PSAT1: variants seen among roughly 807,000 people sequenced by gnomAD.
PSAT1 encodes the protein phosphoserine aminotransferase.
A neutral mutation model predicts 40.3 loss-of-function variants in PSAT1; 41 were observed. That is an observed-to-expected ratio of 1.02 (90% CI 0.79 to 1.32). The LOEUF (loss-of-function observed/expected upper bound fraction) is 1.32. Ranked by LOEUF, PSAT1 falls within the 40% of genes most tolerant of loss-of-function variation. PSAT1 has a pLI of 0.00. For missense variants in PSAT1, 406 were observed against 455.8 expected (o/e 0.89, Z 0.99); for synonymous variants, 147 against 170.5 (o/e 0.86, Z 1.07).
At chr9:78,311,781 G>A (rs1449473893) in intron 6 of PSAT1, among the ~76,000 whole-genome samples, 1 of 152,066 alleles carries the variant, frequency 6.6e-6, no homozygotes, top group Non-Finnish European at 1.5e-5. Flanking sequence ...GCAGTGAGCC[G>A]AAATCACGCC....
At chr9:78,325,123 T>G (rs1001216672) in intron 7 of PSAT1, among the ~76,000 whole-genome samples, 2 of 152,180 alleles carry the variant, frequency 1.3e-5, no homozygotes, top group African/African-American at 2.4e-5. Flanking sequence ...GAAGACAGGT[T>G]CATTCACATG....
chr9:78,302,649 G>A (rs577805406), intron 3 of PSAT1, among the ~76,000 whole-genome samples: 5 of 149,900 alleles, frequency 3.3e-5, no homozygotes, highest in South Asian at 4.2e-4. Flanking sequence ...CAGGAGAATC[G>A]CTTGAACCAG....
At chr9:78,300,205 G>C (rs1329119267) in intron 1 of PSAT1, among the ~76,000 whole-genome samples, 1 of 152,146 alleles carries the variant, frequency 6.6e-6, no homozygotes, top group African/African-American at 2.4e-5. Flanking sequence ...TAGACCAAAA[G>C]AGATCGGAAA....
intron 4 of PSAT1, 125 bp from the exon 5 acceptor site, chr9:78,306,189 A>G (rs747578448): frequency 1.5e-5 from 15 of 1,030,074 alleles, no homozygotes; most frequent in Non-Finnish European, 2.3e-5. Flanking sequence ...CACTCGTGCA[A>G]TGCTTTGGAG....
At chr9:78,326,956 T>TATATATATATATATATATATATA (rs1491277712) in intron 7 of PSAT1, among the ~76,000 whole-genome samples, 2 of 59,178 alleles carry the variant, frequency 3.4e-5, no homozygotes, top group African/African-American at 1.1e-4. Context: ...TATATATATA[T>TATATATATATATATATATATATA]TTTTTTTTTT....
chr9:78,322,985 G>T (rs1217211927), intron 7 of PSAT1, among the ~76,000 whole-genome samples: 1 of 152,208 alleles, frequency 6.6e-6, no homozygotes, highest in African/African-American at 2.4e-5. Context: ...CTTTGACCAA[G>T]GATTTTGATG....
chr9:78,311,333 A>T (rs898737893), intron 6 of PSAT1, among the ~76,000 whole-genome samples: 1 of 152,136 alleles, frequency 6.6e-6, no homozygotes, highest in Non-Finnish European at 1.5e-5. Flanking sequence ...CCTGCCTTGC[A>T]GCTAGAGGAG....
In PSAT1 at chr9:78,326,953, A is replaced by T. The variant is rs866209119; in HGVS notation, c.870-1098A>T. ...GACAGCAATATATATATATATATAT[A>T]TATTTTTTTTTTTTTTTTTTGAGAC... On this transcript the variant is annotated intron_variant, in intron 7 of 8. Coordinates refer to ENST00000376588, the MANE Select transcript of PSAT1 (RefSeq NM_058179.4). Among the ~76,000 whole-genome samples the T allele has an allele frequency of 1.3e-3, 108 of 81,456 alleles. 2 individuals are homozygous for T. The highest frequency in any genetic ancestry group is 4.7e-3 in the African/African-American group (51 of 10,850). The allele number at this position is 81,456 out of a possible 152,430, so 53.4% of individuals were successfully genotyped here. A position where few individuals can be genotyped will look rare whatever the true frequency, so the allele number is the denominator to read the frequency against.
At position 78,317,664 on chromosome 9, in the gene PSAT1, T is replaced by G; in HGVS notation, c.741-12T>G. The G allele has an allele frequency of 6.2e-7, 1 of 1,612,896 alleles. No individual in the cohort carries two copies. The highest frequency in any genetic ancestry group is 1.1e-5 in the South Asian group (1 of 91,062). ...ATGAGCTAAACGGATTTTTTAAAAA[T>G]CTTCATTTTAGCATCTACGTCATGG... is the stretch of plus-strand genomic sequence containing the variant. On this transcript the variant is annotated splice_polypyrimidine_tract_variant and intron_variant, in intron 6 of 8. Coordinates refer to ENST00000376588, the MANE Select transcript of PSAT1 (RefSeq NM_058179.4).
chr9:78,320,212 C>T (rs2118689263), intron 7 of PSAT1, among the ~76,000 whole-genome samples: 1 of 150,862 alleles, frequency 6.6e-6, no homozygotes, highest in South Asian at 2.1e-4. Flanking sequence ...CATCTATCCA[C>T]CCGCCCATTC....
chr9:78,306,105 G>A lies in PSAT1; in HGVS notation c.398-209G>A, dbSNP rs17064299. ...AGATGATTTGTTCCCAGTAAAAGTCGAAAGGTTGGATCGCTCATCCTCTCA... is the reference window on the plus strand; with the variant it reads ...AGATGATTTGTTCCCAGTAAAAGTCAAAAGGTTGGATCGCTCATCCTCTCA... On this transcript the variant is annotated intron_variant, in intron 4 of 8. Coordinates refer to ENST00000376588, the MANE Select transcript of PSAT1 (RefSeq NM_058179.4). 0.13 allele frequency among the ~76,000 whole-genome samples: 19,360 copies of A among 152,078 alleles called. 1,319 individuals are homozygous for A. Among genetic ancestry groups the A allele is most frequent in the African/African-American group, 0.15 (6,219 of 41,466 alleles).
At chr9:78,311,755 C>G (rs981787446) in intron 6 of PSAT1, among the ~76,000 whole-genome samples, 1 of 152,084 alleles carries the variant, frequency 6.6e-6, no homozygotes, top group African/African-American at 2.4e-5. Context: ...TCCCTTGAAC[C>G]TGGGAGGCAG....
Position 78,300,649 on chromosome 9 carries a change from C to T in PSAT1, c.108C>T (p.Gly36=), listed in dbSNP as rs1297548847. ...QKELLDYKGV[G]ISVLEMSHRS... is the part of the protein sequence containing the mutation. Reference sequence around the variant, plus strand: ...AATTATTAGACTACAAAGGAGTTGGCATTAGTGTTCTTGGTAAGATTTACT... The same window carrying T: ...AATTATTAGACTACAAAGGAGTTGGTATTAGTGTTCTTGGTAAGATTTACT... The change falls in exon 2 of 9, where the codon GGC becomes GGT. Residue 36 remains glycine, a synonymous_variant. Transcript: ENST00000376588. 7 of 1,596,622 alleles carry T rather than the reference C, an allele frequency of 4.4e-6. No homozygotes were observed. The highest frequency in any genetic ancestry group is 6.0e-6 in the Non-Finnish European group (7 of 1,172,682).
At position 78,304,864 on chromosome 9, in the gene PSAT1, G is replaced by A; in HGVS notation, c.321G>A (p.Trp107Ter). The change falls in exon 4 of 9, where the codon TGG (tryptophan) becomes TGA (stop). Residue 107 changes from tryptophan to a stop codon, truncating the protein, a stop_gained. Coordinates refer to ENST00000376588, the MANE Select transcript of PSAT1 (RefSeq NM_058179.4). LOFTEE classifies it high-confidence loss of function. ...RCADYVVTGA[W>*]SAKAAEEAKK... ...CTGACTATGTGGTGACAGGAGCTTG[G>A]TCAGCTAAGGCCGCAGAAGAAGCCA... 1 of 1,614,114 alleles carries A rather than the reference G, an allele frequency of 6.2e-7. No homozygotes were observed. Among genetic ancestry groups the A allele is most frequent in the Non-Finnish European group, 8.5e-7 (1 of 1,180,054 alleles).
intron 8 of PSAT1, 114 bp from the exon 9 acceptor site, chr9:78,328,867 C>T (rs1050622823): frequency 9.7e-6 from 8 of 823,770 alleles, no homozygotes; most frequent in African/African-American, 3.4e-5. Context: ...GGTAGGAGAC[C>T]GGAAATGATG....
In PSAT1 at chr9:78,309,435, T is replaced by G. The variant is rs188960506; in HGVS notation, c.740+852T>G. Among the ~76,000 whole-genome samples, 1,221 of 152,346 alleles carry G rather than the reference T, an allele frequency of 8.0e-3. 18 individuals carry two copies. Among genetic ancestry groups the G allele is most frequent in the South Asian group, 0.033 (157 of 4,826 alleles). Reference sequence around the variant, plus strand: ...TGGAGTGCAGTGGCATGATCTCGGCTCACTGCAACCTCCACCTCCCAGGTT... The same window carrying G: ...TGGAGTGCAGTGGCATGATCTCGGCGCACTGCAACCTCCACCTCCCAGGTT... On this transcript the variant is annotated intron_variant, in intron 6 of 8. Coordinates refer to ENST00000376588, the MANE Select transcript of PSAT1 (RefSeq NM_058179.4).
intron 7 of PSAT1, among the ~76,000 whole-genome samples, chr9:78,318,497 G>A (rs945883835): frequency 1.2e-4 from 19 of 152,146 alleles, no homozygotes; most frequent in Non-Finnish European, 2.5e-4. Context: ...CTCTTCTGGG[G>A]CCAGAAGTTC....
At position 78,308,539 on chromosome 9, in the gene PSAT1, G is replaced by T; in HGVS notation, c.696G>T (p.Val232=). The T allele has an allele frequency of 3.7e-6, 6 of 1,614,056 alleles. No homozygotes were observed. Among genetic ancestry groups the T allele is most frequent in the Non-Finnish European group, 5.1e-6 (6 of 1,180,012 alleles). The change falls in exon 6 of 9, where the codon GTG becomes GTT. Residue 232 remains valine (V), a synonymous_variant. Transcript: ENST00000376588. ...GCCCCTCGGTCCTGGAATACAAGGT[G>T]CAGGCTGGAAACAGCTCCTTGTACA... The part of the protein sequence containing the change: ...RECPSVLEYK[V]QAGNSSLYNT...
chr9:78,303,252 T>C (rs969006508), intron 3 of PSAT1, among the ~76,000 whole-genome samples: 1 of 152,202 alleles, frequency 6.6e-6, no homozygotes, highest in African/African-American at 2.4e-5. Context: ...CTTGGTGATA[T>C]TTCTGTGAGG....
Sources: allele counts gnomAD v4.1 joint callset (sites outside exome capture counted in the v4.1 genomes callset), GRCh38; gene constraint gnomAD v4.1.1; transcripts MANE v1.5; gene names NCBI Gene and HGNC (gene_info 2026-07-23, HGNC 2026-07-21).